GPR37L1: variants seen among roughly 807,000 people sequenced by gnomAD.
The protein encoded by GPR37L1 is G protein-coupled receptor 37-like 1.
A neutral mutation model predicts 18.0 loss-of-function variants in GPR37L1; 18 were observed. That is an observed-to-expected ratio of 1.00 (90% CI 0.69 to 1.49). GPR37L1 has a LOEUF of 1.49. GPR37L1 is among the 40% of genes most tolerant of loss of function. The probability of loss-of-function intolerance (pLI) is 0.00; values close to 1 mark genes in which losing one functional copy is unlikely to be tolerated. For synonymous variants in GPR37L1, 256 were observed against 273.9 expected (o/e 0.93, Z 0.65); for missense variants, 558 against 615.1 (o/e 0.91, Z 0.98).
At position 202,127,800 on chromosome 1, in the gene GPR37L1, C is replaced by A; in HGVS notation, c.690C>A (p.His230Gln). The change falls in exon 2 of 2, where the codon CAC (histidine) becomes CAA (glutamine). Residue 230 changes from histidine to glutamine, a missense_variant. Coordinates refer to ENST00000367282, the MANE Select transcript of GPR37L1 (RefSeq NM_004767.5). ...SLCALGIDRF[H>Q]VATSTLPKVR... ...GTGCCCTGGGCATTGACCGCTTCCA[C>A]GTGGCCACCAGCACCCTGCCCAAGG... 2 of 1,610,054 alleles carry A rather than the reference C, an allele frequency of 1.2e-6. No individual in the cohort carries two copies. The highest frequency in any genetic ancestry group is 1.3e-5 in the African/African-American group (1 of 74,964).
In GPR37L1 at chr1:202,128,076, C is replaced by T; in HGVS notation, c.966C>T (p.Ile322=). ...WYFGCYFCLP[I]LFTVTCQLVT... ...TTGGCTGCTACTTCTGCCTGCCCAT[C>T]CTCTTCACAGTCACCTGCCAGCTGG... is the stretch of plus-strand genomic sequence containing the variant. Residue 322 remains isoleucine, a synonymous_variant, in exon 2 of 2, where the codon ATC becomes ATT. Transcript: ENST00000367282. 6.2e-7 allele frequency: 1 copy of T among 1,614,216 alleles called. No individual in the cohort carries two copies. The highest frequency in any genetic ancestry group is 1.7e-5 in the Admixed American group (1 of 60,030).
chr1:202,124,367 T>C (rs975401123), intron 1 of GPR37L1, among the ~76,000 whole-genome samples: 26 of 152,186 alleles, frequency 1.7e-4, no homozygotes, highest in African/African-American at 5.3e-4. Context: ...GACCAGATGG[T>C]CCTTCCAGCT....
At position 202,123,228 on chromosome 1, in the gene GPR37L1, C is replaced by T. The variant is rs1195281218; in HGVS notation, c.265C>T (p.Pro89Ser). 4 of 1,613,948 alleles carry T rather than the reference C, an allele frequency of 2.5e-6. No homozygotes were observed. The South Asian group carries it at 4.4e-5, about 18-fold the overall frequency. ...TKPLVATSPN[P>S]GKDGGTPDSG... ...GCCCTTGGTGGCCACCAGCCCTAACCCCGGCAAGGATGGGGGCACCCCAGA... is the reference window on the plus strand; with the variant it reads ...GCCCTTGGTGGCCACCAGCCCTAACTCCGGCAAGGATGGGGGCACCCCAGA... The change falls in exon 1 of 2, where the codon CCC (proline) becomes TCC (serine). Residue 89 changes from proline to serine, a missense_variant. Physicochemically the swap from Pro to Ser is moderately conservative, Grantham distance 74. Coordinates refer to ENST00000367282, the MANE Select transcript of GPR37L1 (RefSeq NM_004767.5).
chr1:202,127,687 G>A (rs3820380), intron 1 of GPR37L1, 54 bp from the exon 2 acceptor site: 926,835 of 1,274,434 alleles, frequency 0.73, 351,873 homozygotes, highest in Non-Finnish European at 0.79. Context: ...GTCCTTCCTT[G>A]TCCCCATAGA....
intron 1 of GPR37L1, among the ~76,000 whole-genome samples, chr1:202,125,153 CAAAAAAA>C (rs10593843): frequency 0.021 from 1,657 of 77,894 alleles, 15 homozygotes; most frequent in South Asian, 0.11. Context: ...AATTCTGTCT[CAAAAAAA>C]AAAAAAAAAA....
Position 202,123,302 on chromosome 1 carries a change from G to C in GPR37L1, c.339G>C (p.Arg113Ser). The C allele has an allele frequency of 6.2e-7, 1 of 1,614,208 alleles. No homozygotes were observed. The highest frequency in any genetic ancestry group is 8.5e-7 in the Non-Finnish European group (1 of 1,180,050). ...RGNLTGAPGQRLQIQNPLYPV... is the reference protein window; with the variant it reads ...RGNLTGAPGQSLQIQNPLYPV... ...ATCTGACAGGAGCACCAGGGCAGAG[G>C]CTACAGATCCAGAACCCCCTGTATC... The change falls in exon 1 of 2, where the codon AGG (arginine) becomes AGC (serine). Residue 113 changes from arginine (R) to serine (S), a missense_variant. Transcript: ENST00000367282.
chr1:202,124,152 G>A (rs923715216), intron 1 of GPR37L1, among the ~76,000 whole-genome samples: 1 of 152,060 alleles, frequency 6.6e-6, no homozygotes, highest in African/African-American at 2.4e-5. Flanking sequence ...AGACCGCTCC[G>A]TTCTTCCCTC....
At position 202,125,153 on chromosome 1, in the gene GPR37L1, C is replaced by CAA. The variant is rs10593843; in HGVS notation, c.630+1583_630+1584dup. Among the ~76,000 whole-genome samples, 131 of 77,764 alleles carry CAA rather than the reference C, an allele frequency of 1.7e-3. 2 individuals carry two copies. The highest frequency in any genetic ancestry group is 4.7e-3 in the East Asian group (12 of 2,566). The allele number at this position is 77,764 out of a possible 152,430, so 51.0% of individuals were successfully genotyped here. ...TGGGTGACAGAGTGAAATTCTGTCT[C>CAA]AAAAAAAAAAAAAAAAAAAAAAAAG... On this transcript the variant is annotated intron_variant, in intron 1 of 1. Transcript: ENST00000367282.
At position 202,123,045 on chromosome 1, in the gene GPR37L1, C is replaced by G; in HGVS notation, c.82C>G (p.Leu28Val). 1 of 1,613,722 alleles carries G rather than the reference C, an allele frequency of 6.2e-7. No homozygotes were observed. Among genetic ancestry groups the G allele is most frequent in the South Asian group, 1.1e-5 (1 of 91,050 alleles). The change falls in exon 1 of 2, where the codon CTG becomes GTG. Residue 28 changes from leucine to valine, a missense_variant. Physicochemically the swap from Leu to Val is conservative, Grantham distance 32. Coordinates refer to ENST00000367282, the MANE Select transcript of GPR37L1 (RefSeq NM_004767.5). The part of the protein sequence containing the change: ...GLSRVSGGAP[L>V]HLGRHRAETQ... Reference sequence around the variant, plus strand: ...AAGCAGGGTCTCTGGGGGTGCCCCCCTGCACCTGGGCAGGCACAGAGCCGA... The same window carrying G: ...AAGCAGGGTCTCTGGGGGTGCCCCCGTGCACCTGGGCAGGCACAGAGCCGA...
intron 1 of GPR37L1, among the ~76,000 whole-genome samples, chr1:202,127,052 C>T (rs1045659477): frequency 7.9e-5 from 12 of 152,132 alleles, no homozygotes; most frequent in Non-Finnish European, 1.5e-4. Flanking sequence ...CATTCATCCC[C>T]CAGCCTGAGA....
intron 1 of GPR37L1, among the ~76,000 whole-genome samples, chr1:202,124,222 C>G (rs1654591693): frequency 1.3e-5 from 2 of 152,230 alleles, no homozygotes; most frequent in Admixed American, 1.3e-4. Context: ...TAGATCCTCT[C>G]TGAAAGGGAT....
chr1:202,125,807 C>T (rs1164289250), intron 1 of GPR37L1, among the ~76,000 whole-genome samples: 1 of 152,150 alleles, frequency 6.6e-6, no homozygotes, highest in African/African-American at 2.4e-5. Flanking sequence ...TTGCAACCTC[C>T]GCCTCCCAGG....
Position 202,127,813 on chromosome 1 carries a change from A to C in GPR37L1, c.703A>C (p.Thr235Pro). 1 of 1,613,032 alleles carries C rather than the reference A, an allele frequency of 6.2e-7. No homozygotes were observed. Among genetic ancestry groups the C allele is most frequent in the South Asian group, 1.1e-5 (1 of 90,976 alleles). ...GIDRFHVATS[T>P]LPKVRPIERC... Reference sequence around the variant, plus strand: ...TGACCGCTTCCACGTGGCCACCAGCACCCTGCCCAAGGTGAGGCCCATCGA... The same window carrying C: ...TGACCGCTTCCACGTGGCCACCAGCCCCCTGCCCAAGGTGAGGCCCATCGA... Residue 235 changes from threonine to proline, a missense_variant, in exon 2 of 2, where the codon ACC becomes CCC. Physicochemically the swap from Thr to Pro is conservative, Grantham distance 38. Transcript: ENST00000367282.
In GPR37L1 at chr1:202,128,677, T is replaced by C; in HGVS notation, c.*121T>C. The C allele has an allele frequency of 1.5e-6, 1 of 659,014 alleles. No individual in the cohort carries two copies. The highest frequency in any genetic ancestry group is 2.6e-6 in the Non-Finnish European group (1 of 381,408). 40.8% of individuals were successfully genotyped at this position (659,014 alleles called of 1,614,324 possible). On this transcript the variant is annotated 3_prime_UTR_variant, in exon 2 of 2. Transcript: ENST00000367282. ...TGTCTAGGGATGGACTTGGTTCCTC[T>C]TGTCAAGGTTTGGGAATGTCAAAGC... is the stretch of plus-strand genomic sequence containing the variant.
chr1:202,126,050 T>C (rs1654650740), intron 1 of GPR37L1, among the ~76,000 whole-genome samples: 2 of 152,078 alleles, frequency 1.3e-5, no homozygotes, highest in Non-Finnish European at 2.9e-5. Context: ...GATCTCAGGA[T>C]GGTCCTGAGG....
Position 202,128,426 on chromosome 1 carries a change from G to A in GPR37L1, c.1316G>A (p.Cys439Tyr), listed in dbSNP as rs1272741485. Reference protein sequence around the residue: ...DCCCCCCCEECGGASEASAAN... With the variant: ...DCCCCCCCEEYGGASEASAAN... Reference sequence around the variant, plus strand: ...TGCTGCTGCTGCTGCTGTGAGGAGTGCGGCGGGGCTTCGGAGGCCTCTGCT... The same window carrying A: ...TGCTGCTGCTGCTGCTGTGAGGAGTACGGCGGGGCTTCGGAGGCCTCTGCT... Residue 439 changes from cysteine to tyrosine, a missense_variant, in exon 2 of 2, where the codon TGC (cysteine) becomes TAC (tyrosine). By Grantham distance (194) the Cys-to-Tyr change is radical. Transcript: ENST00000367282. 1.2e-6 allele frequency: 2 copies of A among 1,612,728 alleles called. No homozygotes were observed. The highest frequency in any genetic ancestry group is 1.7e-6 in the Non-Finnish European group (2 of 1,179,490).
Position 202,123,497 on chromosome 1 carries a change from G to C in GPR37L1, c.534G>C (p.Leu178=). 1 of 1,613,924 alleles carries C rather than the reference G, an allele frequency of 6.2e-7. No individual in the cohort carries two copies. The highest frequency in any genetic ancestry group is 8.5e-7 in the Non-Finnish European group (1 of 1,179,974). ...CCAGCCTGGCCCTCTGGGATTTTCT[G>C]GTCCTCTTTTTCTGCCTCCCTATTG... ...ILASLALWDF[L]VLFFCLPIVI... Residue 178 remains leucine, a synonymous_variant, in exon 1 of 2, where the codon CTG becomes CTC. Transcript: ENST00000367282.
intron 1 of GPR37L1, among the ~76,000 whole-genome samples, chr1:202,125,426 G>T (rs1654633289): frequency 6.6e-6 from 1 of 152,156 alleles, no homozygotes; most frequent in Admixed American, 6.5e-5. Context: ...GATTAAATGG[G>T]TGATGTCTAT....
Position 202,123,116 on chromosome 1 carries a change from G to A in GPR37L1, c.153G>A (p.Glu51=), listed in dbSNP as rs1654549213. The A allele has an allele frequency of 5.0e-6, 8 of 1,613,610 alleles. No homozygotes were observed. Among genetic ancestry groups the A allele is most frequent in the Non-Finnish European group, 5.9e-6 (7 of 1,179,860 alleles). Residue 51 remains glutamate (E), a synonymous_variant, in exon 1 of 2, where the codon GAG becomes GAA. Coordinates refer to ENST00000367282, the MANE Select transcript of GPR37L1 (RefSeq NM_004767.5). ...GATCCAAGAGGGGCACCGAGGATGA[G>A]GAGGCCAAGGGCGTGCAGCAGTATG... is the stretch of plus-strand genomic sequence containing the variant. ...QSRSKRGTED[E]EAKGVQQYVP... is the part of the protein sequence containing the mutation.
Sources: allele counts gnomAD v4.1 joint callset (sites outside exome capture counted in the v4.1 genomes callset), GRCh38; gene constraint gnomAD v4.1.1; transcripts MANE v1.5; gene names NCBI Gene and HGNC (gene_info 2026-07-23, HGNC 2026-07-21).